Variants in DLG2 observed in about 807,000 individuals in gnomAD.
DLG2 encodes the protein discs large MAGUK scaffold protein 2.
In DLG2, 45 loss-of-function variants were observed where a neutral mutation model predicts 132.5. That is an observed-to-expected ratio of 0.34 (90% CI 0.27 to 0.44). The LOEUF is 0.44. Among genes scored for constraint, DLG2 ranks in the 20% least tolerant of loss-of-function variants. The pLI is 1.00. For missense variants in DLG2, 1,045 were observed against 1,196.9 expected (o/e 0.87, Z 1.87); for synonymous variants, 424 against 419.6 (o/e 1.01, Z -0.13).
At chr11:83,539,342 A>G (rs1478906402) in intron 20 of DLG2, among the ~76,000 whole-genome samples, 1 of 152,174 alleles carries the variant, frequency 6.6e-6, no homozygotes, top group South Asian at 2.1e-4. Flanking sequence ...GATTTAAAAA[A>G]TTTTCCAGAT....
intron 10 of DLG2, among the ~76,000 whole-genome samples, chr11:84,069,833 G>A (rs934690220): frequency 3.9e-5 from 6 of 152,188 alleles, no homozygotes; most frequent in Admixed American, 2.0e-4. Flanking sequence ...TACTTAATGG[G>A]TACAACATGG....
intron 11 of DLG2, among the ~76,000 whole-genome samples, chr11:84,031,705 T>G (rs1434140402): frequency 1.3e-5 from 2 of 152,178 alleles, no homozygotes; most frequent in African/African-American, 2.4e-5. Flanking sequence ...CAGTGAAATA[T>G]TCTTTCAAAA....
At chr11:84,272,387 A>G in intron 7 of DLG2, 1 of 375,690 alleles carries the variant, frequency 2.7e-6, no homozygotes, top group Non-Finnish European at 5.4e-6. Flanking sequence ...AGCAGAGATT[A>G]TTTTTTAAGA....
Position 84,093,193 on chromosome 11 carries a change from T to C in DLG2, c.749+5730A>G, listed in dbSNP as rs563597091. Among the ~76,000 whole-genome samples, 3 of 152,316 alleles carry C rather than the reference T, an allele frequency of 2.0e-5. No individual in the cohort carries two copies. The South Asian group carries it at 6.2e-4, about 32-fold the overall frequency. The stretch of plus-strand genomic sequence containing the variant: ...CTCTGCTTAAGTTCTCACAAGGCTG[T>C]ATCAAGATGTCAGCTGAGCTGCATT... On this transcript the variant is annotated intron_variant, in intron 10 of 27. Transcript: ENST00000376104.
chr11:83,659,818 C>T (rs1439620602), intron 18 of DLG2, among the ~76,000 whole-genome samples: 1 of 152,202 alleles, frequency 6.6e-6, no homozygotes, highest in Non-Finnish European at 1.5e-5. Context: ...TTGTATTGAT[C>T]TTGTACTAAA....
At chr11:83,959,330 T>C (rs942934705) in intron 14 of DLG2, among the ~76,000 whole-genome samples, 3 of 152,094 alleles carry the variant, frequency 2.0e-5, no homozygotes, top group Non-Finnish European at 1.5e-5. Context: ...TAGAGAAACA[T>C]TTATTACAAT....
intron 19 of DLG2, 90 bp from the exon 20 acceptor site, chr11:83,541,948 A>C: frequency 1.6e-6 from 2 of 1,282,908 alleles, no homozygotes. Flanking sequence ...TCTTGCTCTG[A>C]GAACCTATCA....
intron 3 of DLG2, among the ~76,000 whole-genome samples, chr11:85,411,360 T>C (rs2089294039): frequency 6.6e-6 from 1 of 151,882 alleles, no homozygotes; most frequent in South Asian, 2.1e-4. Flanking sequence ...CTTACAAAAG[T>C]AGTCTATGAG....
chr11:83,775,620 A>G (rs1301918297), intron 18 of DLG2, among the ~76,000 whole-genome samples: 1 of 152,098 alleles, frequency 6.6e-6, no homozygotes, highest in Non-Finnish European at 1.5e-5. Context: ...TTCTCTCTAC[A>G]TCTTTCTTTT....
chr11:83,654,513 T>C (rs1196794242), intron 18 of DLG2, among the ~76,000 whole-genome samples: 1 of 152,216 alleles, frequency 6.6e-6, no homozygotes, highest in Non-Finnish European at 1.5e-5. Context: ...TACCATTTTC[T>C]CTTCCTGAGT....
chr11:84,017,067 G>A (rs1390133405), intron 11 of DLG2, among the ~76,000 whole-genome samples: 1 of 151,112 alleles, frequency 6.6e-6, no homozygotes, highest in African/African-American at 2.4e-5. Flanking sequence ...AAGACTTCAA[G>A]GAAAAAAAAG....
intron 6 of DLG2, among the ~76,000 whole-genome samples, chr11:84,617,017 G>A (rs2099605606): frequency 6.6e-6 from 1 of 150,836 alleles, no homozygotes; most frequent in South Asian, 2.1e-4. Context: ...TAAGTTCTGG[G>A]GTACAAGTGC....
intron 7 of DLG2, among the ~76,000 whole-genome samples, chr11:84,263,733 A>G (rs891222423): frequency 7.2e-5 from 11 of 152,168 alleles, no homozygotes; most frequent in Non-Finnish European, 1.5e-5. Flanking sequence ...TTGAAACATA[A>G]CAGGTGAGGC....
chr11:84,309,512 T>C (rs2098266369), intron 7 of DLG2, among the ~76,000 whole-genome samples: 1 of 152,358 alleles, frequency 6.6e-6, no homozygotes, highest in Admixed American at 6.5e-5. Flanking sequence ...CTCTTAACTT[T>C]TCTAGGGTAC....
At chr11:84,896,587 G>T (rs567580468) in intron 6 of DLG2, among the ~76,000 whole-genome samples, 1 of 152,064 alleles carries the variant, frequency 6.6e-6, no homozygotes, top group East Asian at 1.9e-4. Context: ...TGTCATTTTT[G>T]TCATAAAAAT....
intron 6 of DLG2, among the ~76,000 whole-genome samples, chr11:84,563,534 T>C (rs996466219): frequency 6.6e-6 from 1 of 152,116 alleles, no homozygotes; most frequent in African/African-American, 2.4e-5. Context: ...GGGAGCTCAC[T>C]GAAAGAGCCA....
chr11:85,138,650 G>A (rs1393836348), intron 5 of DLG2, among the ~76,000 whole-genome samples: 5 of 151,990 alleles, frequency 3.3e-5, no homozygotes, highest in East Asian at 1.9e-4. Flanking sequence ...CATGGATGCC[G>A]GTCTTTCCCA....
intron 7 of DLG2, among the ~76,000 whole-genome samples, chr11:84,507,721 T>C (rs551926526): frequency 6.6e-6 from 1 of 152,348 alleles, no homozygotes; most frequent in African/African-American, 2.4e-5. Flanking sequence ...CTATGTCTAT[T>C]GAGATGATCA....
chr11:84,426,823 T>C (rs565879662), intron 7 of DLG2, among the ~76,000 whole-genome samples: 1 of 152,224 alleles, frequency 6.6e-6, no homozygotes, highest in East Asian at 1.9e-4. Context: ...TAACTGGCAC[T>C]CACGAAACAG....
Sources: allele counts gnomAD v4.1 joint callset (sites outside exome capture counted in the v4.1 genomes callset), GRCh38; gene constraint gnomAD v4.1.1; transcripts MANE v1.5; gene names NCBI Gene and HGNC (gene_info 2026-07-23, HGNC 2026-07-21).